Variants in MARCHF1 observed in about 807,000 individuals in gnomAD.
The protein encoded by MARCHF1 is membrane associated ring-CH-type finger 1, also known as E3 ubiquitin-protein ligase MARCHF1.
Under a neutral mutation model 54.2 loss-of-function variants are expected in MARCHF1, and 40 were observed. That is an observed-to-expected ratio of 0.74 (90% confidence interval 0.57 to 0.96). MARCHF1 has a LOEUF of 0.96. Among genes scored for constraint, MARCHF1 ranks in the 40% least tolerant of loss-of-function variants. The pLI, the probability that MARCHF1 is intolerant of heterozygous loss-of-function variation, is 0.00. For missense variants in MARCHF1, 586 were observed against 656.5 expected, an observed-to-expected ratio of 0.89 and a Z score of 1.17; for synonymous variants, 236 against 236.3, an observed-to-expected ratio of 1.00 and a Z score of 0.01.
intron 4 of MARCHF1, among the ~76,000 whole-genome samples, chr4:163,725,837 T>C (rs1216553956): frequency 6.6e-6 from 1 of 152,174 alleles, no homozygotes; most frequent in Non-Finnish European, 1.5e-5. Context: ...TATGTAAAAG[T>C]TTTTAGCCTA....
chr4:164,288,356 T>C (rs1456757181), intron 1 of MARCHF1, among the ~76,000 whole-genome samples: 2 of 152,046 alleles, frequency 1.3e-5, no homozygotes, highest in African/African-American at 2.4e-5. Flanking sequence ...TTGAAATTAA[T>C]TGCAAGAATG....
At chr4:163,609,787 G>C (rs190820192) in intron 7 of MARCHF1, among the ~76,000 whole-genome samples, 1 of 151,812 alleles carries the variant, frequency 6.6e-6, no homozygotes, top group Non-Finnish European at 1.5e-5. Flanking sequence ...CTGAAAATGG[G>C]CTGAGGGAAG....
chr4:164,278,968 A>G (rs1265584182), intron 1 of MARCHF1, among the ~76,000 whole-genome samples: 1 of 152,148 alleles, frequency 6.6e-6, no homozygotes, highest in Non-Finnish European at 1.5e-5. Context: ...ATATACACAC[A>G]GCTGATAATT....
At chr4:164,325,101 G>A (rs926808333) in intron 1 of MARCHF1, among the ~76,000 whole-genome samples, 1 of 151,748 alleles carries the variant, frequency 6.6e-6, no homozygotes, top group Non-Finnish European at 1.5e-5. Flanking sequence ...AGGAATAGTA[G>A]ACAAATAGAT....
intron 7 of MARCHF1, among the ~76,000 whole-genome samples, chr4:163,591,448 CTGTT>C (rs1306699226): frequency 6.6e-5 from 10 of 152,042 alleles, no homozygotes; most frequent in Non-Finnish European, 1.3e-4. Context: ...ACAGTCTCTG[CTGTT>C]TGTTAACTGT....
chr4:163,933,596 A>C (rs1346433092), intron 3 of MARCHF1, among the ~76,000 whole-genome samples: 1 of 152,252 alleles, frequency 6.6e-6, no homozygotes. Context: ...TGAAGATATG[A>C]AAATGTAGTT....
intron 2 of MARCHF1, among the ~76,000 whole-genome samples, chr4:164,052,425 T>C (rs1387031678): frequency 6.6e-6 from 1 of 151,736 alleles, no homozygotes; most frequent in Non-Finnish European, 1.5e-5. Flanking sequence ...CCACCTACTA[T>C]GGAGGCTGAG....
chr4:163,672,930 C>A (rs951464019), intron 5 of MARCHF1, among the ~76,000 whole-genome samples: 1 of 152,182 alleles, frequency 6.6e-6, no homozygotes, highest in African/African-American at 2.4e-5. Flanking sequence ...ACGCTCTGGT[C>A]TCCCTCTTCT....
chr4:163,926,074 T>G (rs1225409916), intron 3 of MARCHF1, among the ~76,000 whole-genome samples: 1 of 151,628 alleles, frequency 6.6e-6, no homozygotes, highest in Non-Finnish European at 1.5e-5. Context: ...GGAAAAATCT[T>G]AAATGTATAT....
At chr4:163,941,236 C>A (rs1751906097) in intron 3 of MARCHF1, among the ~76,000 whole-genome samples, 1 of 151,950 alleles carries the variant, frequency 6.6e-6, no homozygotes, top group South Asian at 2.1e-4. Flanking sequence ...ACACTGTAAG[C>A]TTTAAGAGTG....
intron 3 of MARCHF1, among the ~76,000 whole-genome samples, chr4:163,918,761 A>ATAAT (rs5863640): frequency 0.23 from 35,229 of 151,740 alleles, 5,030 homozygotes; most frequent in East Asian, 0.44. Flanking sequence ...GCATTAACTG[A>ATAAT]TAATTGGTAG....
chr4:163,678,878 G>T (rs932711095), intron 5 of MARCHF1, among the ~76,000 whole-genome samples: 1 of 152,126 alleles, frequency 6.6e-6, no homozygotes, highest in South Asian at 2.1e-4. Flanking sequence ...AATTTCACTA[G>T]GTGTAATAGC....
At chr4:163,937,271 C>T (rs4611879) in intron 3 of MARCHF1, among the ~76,000 whole-genome samples, 16,364 of 152,034 alleles carry the variant, frequency 0.11, 931 homozygotes, top group Non-Finnish European at 0.12. Flanking sequence ...CAAACATATA[C>T]ATACACATAT....
chr4:164,327,058 T>C (rs1167047713), intron 1 of MARCHF1, among the ~76,000 whole-genome samples: 3 of 151,622 alleles, frequency 2.0e-5, no homozygotes, highest in Non-Finnish European at 4.4e-5. Context: ...GCTATTATGA[T>C]TATCTTCTAT....
chr4:163,636,950 C>T lies in MARCHF1; in HGVS notation c.163-23557G>A, dbSNP rs188548443. Reference sequence around the variant, plus strand: ...CCTCAGAAATAACGCTGCATATCTACAACTATCTGATCTTTGACAAACCTC... The same window carrying T: ...CCTCAGAAATAACGCTGCATATCTATAACTATCTGATCTTTGACAAACCTC... On this transcript the variant is annotated intron_variant, in intron 5 of 9. Transcript: ENST00000514618. 2.8e-3 allele frequency among the ~76,000 whole-genome samples: 430 copies of T among 152,282 alleles called. 1 individual carries two copies. The highest frequency in any genetic ancestry group is 4.4e-3 in the Non-Finnish European group (299 of 68,024).
At chr4:164,277,789 G>A (rs1733923979) in intron 1 of MARCHF1, among the ~76,000 whole-genome samples, 1 of 152,168 alleles carries the variant, frequency 6.6e-6, no homozygotes, top group South Asian at 2.1e-4. Flanking sequence ...TTTTGTTCTT[G>A]CTCATCATCA....
intron 2 of MARCHF1, among the ~76,000 whole-genome samples, chr4:164,051,357 T>C (rs577657637): frequency 6.6e-6 from 1 of 152,296 alleles, no homozygotes; most frequent in South Asian, 2.1e-4. Context: ...TAACTTACTT[T>C]TAAAAGGGAA....
chr4:164,220,656 TAATA>T, intron 1 of MARCHF1, among the ~76,000 whole-genome samples: 1 of 141,984 alleles, frequency 7.0e-6, no homozygotes, highest in Admixed American at 7.2e-5. Flanking sequence ...TGCATATATG[TAATA>T]TATATGCTAT....
chr4:163,531,604 A>C (rs1738353836), intron 9 of MARCHF1, among the ~76,000 whole-genome samples: 1 of 151,954 alleles, frequency 6.6e-6, no homozygotes, highest in Non-Finnish European at 1.5e-5. Context: ...AATGCAATAA[A>C]ACAAGAATAA....
Sources: allele counts gnomAD v4.1 joint callset (sites outside exome capture counted in the v4.1 genomes callset), GRCh38; gene constraint gnomAD v4.1.1; transcripts MANE v1.5; gene names NCBI Gene and HGNC (gene_info 2026-07-23, HGNC 2026-07-21).